MS4A15: variants seen among roughly 807,000 people sequenced by gnomAD.
MS4A15 encodes the protein membrane-spanning 4-domains subfamily A member 15.
Under a neutral mutation model 20.6 loss-of-function variants are expected in MS4A15, and 22 were observed. That is an observed-to-expected ratio of 1.07 (90% CI 0.76 to 1.52). The LOEUF (loss-of-function observed/expected upper bound fraction) is 1.52, where lower values mean the gene tolerates loss of function less well. Among genes scored for constraint, MS4A15 ranks in the 40% most tolerant of loss-of-function variants. The pLI is 0.00. For missense variants in MS4A15, 312 were observed against 323.0 expected (o/e 0.97, Z 0.26); for synonymous variants, 129 against 129.3 (o/e 1.00, Z 0.02).
At chr11:60,760,344 G>A (rs1853706881) in intron 1 of MS4A15, among the ~76,000 whole-genome samples, 1 of 152,188 alleles carries the variant, frequency 6.6e-6, no homozygotes, top group African/African-American at 2.4e-5. Flanking sequence ...AACTTATCCT[G>A]ATTGCCAATG....
chr11:60,773,574 C>T (rs1854100354), intron 5 of MS4A15, 90 bp downstream of exon 5: 1 of 1,236,450 alleles, frequency 8.1e-7, no homozygotes, highest in African/African-American at 1.5e-5. Flanking sequence ...TTTGCAGCGC[C>T]AGGACGTTGG....
intron 2 of MS4A15, among the ~76,000 whole-genome samples, chr11:60,764,712 C>T (rs1002587863): frequency 6.6e-6 from 1 of 152,060 alleles, no homozygotes; most frequent in African/African-American, 2.4e-5. Flanking sequence ...AGATCAAGAC[C>T]AACCTGGCCA....
At chr11:60,775,069 A>G (rs774537190) in intron 6 of MS4A15, among the ~76,000 whole-genome samples, 8 of 152,190 alleles carry the variant, frequency 5.3e-5, no homozygotes, top group Non-Finnish European at 8.8e-5. Context: ...TAACCCCGGC[A>G]CTTTGGGAGG....
At chr11:60,775,555 C>T (rs1394919469) in intron 6 of MS4A15, 50 bp from the exon 7 acceptor site, 2 of 1,497,508 alleles carry the variant, frequency 1.3e-6, no homozygotes, top group Non-Finnish European at 1.9e-6. Context: ...TGAACCACTA[C>T]CCTGAAGCTC....
At position 60,775,773 on chromosome 11, in the gene MS4A15, TC is replaced by T; in HGVS notation, c.*62del. 2 of 1,376,696 alleles carry T rather than the reference TC, an allele frequency of 1.5e-6. No homozygotes were observed. Among genetic ancestry groups the T allele is most frequent in the Non-Finnish European group, 1.0e-6 (1 of 986,856 alleles). 85.3% of individuals were successfully genotyped at this position (1,376,696 alleles called of 1,614,324 possible). ...GCCTTTTCCCTCTGGGCCCAGCCTC[TC>T]CCCACCCCCACCTTGTTCATCAGGG... On this transcript the variant is annotated 3_prime_UTR_variant, in exon 7 of 7. Coordinates refer to ENST00000405633, the MANE Select transcript of MS4A15 (RefSeq NM_001098835.2).
chr11:60,775,730 A>G lies in MS4A15; in HGVS notation c.*15A>G. On this transcript the variant is annotated 3_prime_UTR_variant, in exon 7 of 7. Transcript: ENST00000405633. ...GAGTCGTCTGAGTAGCAGATGTGGC[A>G]CCTGCGGGTGGAGTCCAGCCTTTTC... 1.2e-6 allele frequency: 2 copies of G among 1,604,134 alleles called. No homozygotes were observed. Among genetic ancestry groups the G allele is most frequent in the South Asian group, 2.2e-5 (2 of 90,744 alleles).
At position 60,773,940 on chromosome 11, in the gene MS4A15, A is replaced by G; in HGVS notation, c.602A>G (p.Gln201Arg). 1 of 1,613,566 alleles carries G rather than the reference A, an allele frequency of 6.2e-7. No homozygotes were observed. The highest frequency in any genetic ancestry group is 1.3e-5 in the African/African-American group (1 of 74,992). The part of the protein sequence containing the change: ...MHFGCQAIHA[Q>R]ASAPVIFLPN... ...TTCGGGTGCCAAGCCATCCATGCCC[A>G]GGCCAGTGCAGTGAGTACCCCCACC... Residue 201 changes from glutamine (Q) to arginine (R), a missense_variant, in exon 6 of 7, where the codon CAG becomes CGG. Physicochemically the swap from Gln to Arg is conservative, Grantham distance 43 (BLOSUM62 1). Coordinates refer to ENST00000405633, the MANE Select transcript of MS4A15 (RefSeq NM_001098835.2).
chr11:60,766,584 T>A (rs948513655), intron 2 of MS4A15, among the ~76,000 whole-genome samples: 3 of 152,168 alleles, frequency 2.0e-5, no homozygotes, highest in Admixed American at 2.0e-4. Context: ...CGCTGGCGAC[T>A]TGGACACCAT....
At position 60,770,685 on chromosome 11, in the gene MS4A15, G is replaced by A. The variant is rs920067487; in HGVS notation, c.349-606G>A. 1.6e-4 allele frequency among the ~76,000 whole-genome samples: 24 copies of A among 151,680 alleles called. No individual in the cohort carries two copies. In the South Asian group the frequency reaches 5.0e-3, roughly 32 times the overall value. On this transcript the variant is annotated intron_variant, in intron 3 of 6. Coordinates refer to ENST00000405633, the MANE Select transcript of MS4A15 (RefSeq NM_001098835.2). The stretch of plus-strand genomic sequence containing the variant: ...TCTGTTATGTTCCTGGCACATAACT[G>A]CCACTCAGAAAATATTTGGTTTTTC...
chr11:60,759,266 GC>G (rs1289258755), intron 1 of MS4A15, among the ~76,000 whole-genome samples: 2 of 152,244 alleles, frequency 1.3e-5, no homozygotes, highest in African/African-American at 4.8e-5. Context: ...AGAAACATGT[GC>G]TGTACTGAAT....
intron 2 of MS4A15, among the ~76,000 whole-genome samples, chr11:60,764,859 C>T (rs369232693): frequency 6.6e-4 from 100 of 151,840 alleles, no homozygotes; most frequent in African/African-American, 1.4e-3. Flanking sequence ...CAGTGAGCTG[C>T]GATCATGCCA....
intron 2 of MS4A15, among the ~76,000 whole-genome samples, chr11:60,767,272 A>G (rs11826525): frequency 0.011 from 1,651 of 152,326 alleles, 27 homozygotes; most frequent in African/African-American, 0.037. Context: ...CTTGAGATCC[A>G]TGGATCAGAG....
rs1323942062 is a variant in MS4A15, at chr11:60,771,723, T to C, written c.405+376T>C. 7 of 1,270,382 alleles carry C rather than the reference T, an allele frequency of 5.5e-6. No individual in the cohort carries two copies. The Admixed American group carries it at 1.0e-4, about 18-fold the overall frequency. 78.7% of individuals were successfully genotyped at this position (1,270,382 alleles called of 1,614,324 possible). A position where few individuals can be genotyped will look rare whatever the true frequency, so the allele number is the denominator to read the frequency against. On this transcript the variant is annotated intron_variant, in intron 4 of 6. Transcript: ENST00000405633. ...GGAGGAGTGTGGGCAGGGTCGCCACTGAAACCACGCCTGGCTCCATCCAAC... is the reference window on the plus strand; with the variant it reads ...GGAGGAGTGTGGGCAGGGTCGCCACCGAAACCACGCCTGGCTCCATCCAAC...
At position 60,763,963 on chromosome 11, in the gene MS4A15, G is replaced by T; in HGVS notation, c.225+5G>T. 1 of 1,608,792 alleles carries T rather than the reference G, an allele frequency of 6.2e-7. No homozygotes were observed. On this transcript the variant is annotated splice_donor_5th_base_variant and intron_variant, in intron 2 of 6. Coordinates refer to ENST00000405633, the MANE Select transcript of MS4A15 (RefSeq NM_001098835.2). Reference sequence around the variant, plus strand: ...GGAGAGCCCAAAGTTTTGGGGGTAAGAACAGCCTCTCTGCACAACCTGAGG... The same window carrying T: ...GGAGAGCCCAAAGTTTTGGGGGTAATAACAGCCTCTCTGCACAACCTGAGG...
chr11:60,770,428 T>C (rs1854004413), intron 3 of MS4A15, among the ~76,000 whole-genome samples: 2 of 151,656 alleles, frequency 1.3e-5, no homozygotes, highest in South Asian at 4.2e-4. Flanking sequence ...TGAAACCCCG[T>C]CTCTCCTAAA....
chr11:60,764,181 T>G (rs1486272530), intron 2 of MS4A15, among the ~76,000 whole-genome samples: 1 of 151,924 alleles, frequency 6.6e-6, no homozygotes, highest in Non-Finnish European at 1.5e-5. Context: ...AAAAGTAAGG[T>G]TGAAAATGAT....
At chr11:60,771,087 GA>G (rs1854023145) in intron 3 of MS4A15, among the ~76,000 whole-genome samples, 1 of 152,190 alleles carries the variant, frequency 6.6e-6, no homozygotes, top group South Asian at 2.1e-4. Flanking sequence ...TGACGTCAAT[GA>G]AAACACTCAC....
Position 60,763,729 on chromosome 11 carries a change from G to T in MS4A15, c.-5G>T, listed in dbSNP as rs769684992. 6.2e-7 allele frequency: 1 copy of T among 1,612,080 alleles called. No individual in the cohort carries two copies. The highest frequency in any genetic ancestry group is 8.5e-7 in the Non-Finnish European group (1 of 1,179,848). On this transcript the variant is annotated 5_prime_UTR_variant, in exon 2 of 7. Transcript: ENST00000405633. The stretch of plus-strand genomic sequence containing the variant: ...AGCCTTTGTTTCCCAGGCTCTCTGA[G>T]CACGATGTCTGCAGCTCCCGCCAGC...
At chr11:60,764,232 C>T (rs1853826316) in intron 2 of MS4A15, among the ~76,000 whole-genome samples, 2 of 152,136 alleles carry the variant, frequency 1.3e-5, no homozygotes, top group African/African-American at 4.8e-5. Flanking sequence ...TAGGTGGAAA[C>T]TTGTCTCTGG....
Sources: allele counts gnomAD v4.1 joint callset (sites outside exome capture counted in the v4.1 genomes callset), GRCh38; gene constraint gnomAD v4.1.1; transcripts MANE v1.5; gene names NCBI Gene and HGNC (gene_info 2026-07-23, HGNC 2026-07-21).